Variants in GABRB2 observed in about 807,000 individuals in gnomAD.
GABRB2 encodes the protein gamma-aminobutyric acid type A receptor subunit beta2, also known as gamma-aminobutyric acid receptor subunit beta-2.
In GABRB2, 16 loss-of-function variants were observed where a neutral mutation model predicts 54.7. The ratio of observed to expected loss-of-function variants is 0.29; its 90% confidence interval spans 0.20 to 0.44. The LOEUF (loss-of-function observed/expected upper bound fraction) is 0.44. Ranked by LOEUF, GABRB2 falls within the 20% of genes least tolerant of loss-of-function variation. The pLI is 1.00. For missense variants in GABRB2, 355 were observed against 644.0 expected (o/e 0.55, Z 4.86); for synonymous variants, 244 against 233.8 (o/e 1.04, Z -0.40).
intron 3 of GABRB2, among the ~76,000 whole-genome samples, chr5:161,483,651 AAT>A (rs1293590694): frequency 5.9e-5 from 9 of 152,120 alleles, no homozygotes; most frequent in African/African-American, 2.2e-4. Flanking sequence ...GAAAAATTTT[AAT>A]GTGGTATGGG....
chr5:161,356,374 T>C (rs961097885), intron 5 of GABRB2, among the ~76,000 whole-genome samples: 1 of 152,146 alleles, frequency 6.6e-6, no homozygotes, highest in African/African-American at 2.4e-5. Flanking sequence ...AGGATGACTA[T>C]AGTGGATAAA....
chr5:161,530,561 G>GA lies in GABRB2; in HGVS notation c.237+14665dup, dbSNP rs567132506. On this transcript the variant is annotated intron_variant, in intron 3 of 9. Transcript: ENST00000393959. ...ACTCTGTAGTGTTACAAAGCAATTG[G>GA]AAAAAAATATATCTCTTCCAATGTC... is the stretch of plus-strand genomic sequence containing the variant. Among the ~76,000 whole-genome samples, 35 of 152,098 alleles carry GA rather than the reference G, an allele frequency of 2.3e-4. No individual in the cohort carries two copies. In the East Asian group the frequency reaches 6.0e-3, roughly 26 times the overall value.
chr5:161,458,678 C>T (rs916899686), intron 4 of GABRB2, among the ~76,000 whole-genome samples: 6 of 152,220 alleles, frequency 3.9e-5, no homozygotes, highest in Non-Finnish European at 8.8e-5. Flanking sequence ...CAAATTGCAT[C>T]AGCCTCTGTT....
At chr5:161,527,026 T>C (rs1760303813) in intron 3 of GABRB2, among the ~76,000 whole-genome samples, 1 of 151,474 alleles carries the variant, frequency 6.6e-6, no homozygotes, top group Non-Finnish European at 1.5e-5. Context: ...AAAGATTGTA[T>C]GGAAGCATAA....
At chr5:161,340,554 A>C (rs1219990451) in intron 5 of GABRB2, among the ~76,000 whole-genome samples, 1 of 151,794 alleles carries the variant, frequency 6.6e-6, no homozygotes, top group African/African-American at 2.4e-5. Flanking sequence ...TTCACTATAT[A>C]TTTCTCCCTA....
At chr5:161,448,255 T>C (rs1394550524) in intron 4 of GABRB2, among the ~76,000 whole-genome samples, 3 of 152,116 alleles carry the variant, frequency 2.0e-5, no homozygotes, top group East Asian at 1.9e-4. Flanking sequence ...AGACCTTGTC[T>C]GTACCAAAAG....
intron 3 of GABRB2, among the ~76,000 whole-genome samples, chr5:161,498,043 C>T (rs1759312378): frequency 1.3e-5 from 2 of 152,078 alleles, no homozygotes; most frequent in Non-Finnish European, 2.9e-5. Context: ...GTAAACATAG[C>T]TTCACCCATA....
At chr5:161,452,495 T>C (rs1561655281) in intron 4 of GABRB2, among the ~76,000 whole-genome samples, 2 of 152,322 alleles carry the variant, frequency 1.3e-5, no homozygotes, top group South Asian at 2.1e-4. Context: ...ATTATACCTA[T>C]GTGACCTTCT....
intron 5 of GABRB2, among the ~76,000 whole-genome samples, chr5:161,363,701 C>CA (rs1284120209): frequency 1.3e-5 from 2 of 151,390 alleles, no homozygotes; most frequent in African/African-American, 2.4e-5. Context: ...TGCCCTGCCT[C>CA]AAAAAAACAA....
At chr5:161,372,697 C>A (rs1387046253) in intron 5 of GABRB2, among the ~76,000 whole-genome samples, 3 of 152,166 alleles carry the variant, frequency 2.0e-5, no homozygotes, top group African/African-American at 7.2e-5. Flanking sequence ...GTTCCAGACA[C>A]TGTTCTAGGC....
In GABRB2 at chr5:161,446,675, ATTAT is replaced by A. The variant is rs1435877744; in HGVS notation, c.458+12945_458+12948del. ...CTTTTCTTTAAAAATGCAATGATTT[ATTAT>A]TTACTTTTGACAAAATTCCTATAAG... On this transcript the variant is annotated intron_variant, in intron 4 of 9. Transcript: ENST00000393959. 1.6e-4 allele frequency among the ~76,000 whole-genome samples: 24 copies of A among 152,162 alleles called. 1 individual carries two copies. The highest frequency in any genetic ancestry group is 5.9e-5 in the Non-Finnish European group (4 of 68,002).
intron 9 of GABRB2, among the ~76,000 whole-genome samples, chr5:161,303,727 T>C (rs988610343): frequency 3.3e-5 from 5 of 152,198 alleles, no homozygotes; most frequent in African/African-American, 1.2e-4. Context: ...CTTTGCCTTA[T>C]GGTCCTTCTC....
chr5:161,304,668 C>G (rs1179651622), intron 9 of GABRB2, among the ~76,000 whole-genome samples: 1 of 143,842 alleles, frequency 7.0e-6, no homozygotes, highest in East Asian at 2.0e-4. Flanking sequence ...GGTAAATAAA[C>G]TATAGATCAC....
chr5:161,543,717 C>CA (rs1760887118), intron 3 of GABRB2, among the ~76,000 whole-genome samples: 1 of 152,044 alleles, frequency 6.6e-6, no homozygotes, highest in Non-Finnish European at 1.5e-5. Context: ...TGCTGAAGCT[C>CA]AAAATATAAA....
At chr5:161,403,349 A>G (rs1276441746) in intron 5 of GABRB2, among the ~76,000 whole-genome samples, 2 of 152,142 alleles carry the variant, frequency 1.3e-5, no homozygotes, top group African/African-American at 4.8e-5. Flanking sequence ...ACACTCTCTT[A>G]AAGAGGGAGA....
At chr5:161,492,837 A>T (rs894752390) in intron 3 of GABRB2, among the ~76,000 whole-genome samples, 1 of 151,716 alleles carries the variant, frequency 6.6e-6, no homozygotes, top group Non-Finnish European at 1.5e-5. Context: ...ACATCTTTCA[A>T]ATGAGTACAT....
intron 5 of GABRB2, among the ~76,000 whole-genome samples, chr5:161,349,257 A>G (rs1183632909): frequency 3.9e-5 from 6 of 152,112 alleles, no homozygotes; most frequent in Admixed American, 3.9e-4. Flanking sequence ...AAACTTAAAA[A>G]AAAACCCAAA....
chr5:161,392,403 C>T (rs555931865), intron 5 of GABRB2, among the ~76,000 whole-genome samples: 5 of 152,106 alleles, frequency 3.3e-5, no homozygotes, highest in African/African-American at 1.2e-4. Flanking sequence ...TGGTATAACG[C>T]CTCCATTCTT....
intron 4 of GABRB2, among the ~76,000 whole-genome samples, chr5:161,432,194 T>C (rs924282586): frequency 6.6e-6 from 1 of 152,338 alleles, no homozygotes; most frequent in Admixed American, 6.5e-5. Context: ...CTTTGTAATA[T>C]AACAAGCCCC....
Sources: gnomAD v4.1 joint callset for allele counts (sites outside exome capture counted in the v4.1 genomes callset) on GRCh38, gnomAD v4.1.1 for gene constraint, MANE v1.5 for transcripts, NCBI Gene and HGNC (gene_info 2026-07-23, HGNC 2026-07-21) for gene names.